Variants in COPS7B observed in about 807,000 individuals in gnomAD.
COPS7B encodes the protein COP9 signalosome complex subunit 7b.
COPS7B carries 9 observed loss-of-function variants against 33.4 expected under a neutral mutation model. The ratio of observed to expected loss-of-function variants is 0.27; its 90% CI spans 0.16 to 0.47. The LOEUF (loss-of-function observed/expected upper bound fraction) is 0.47, where lower values mean the gene tolerates loss of function less well. Among genes scored for constraint, COPS7B ranks in the 20% least tolerant of loss-of-function variants. COPS7B has a pLI of 0.99. For synonymous variants in COPS7B, 119 were observed against 126.3 expected, an observed-to-expected ratio of 0.94 and a Z score of 0.39; for missense variants, 242 against 318.2, an observed-to-expected ratio of 0.76 and a Z score of 1.82.
intron 1 of COPS7B, among the ~76,000 whole-genome samples, chr2:231,787,784 T>G (rs187882102): frequency 6.6e-6 from 1 of 152,352 alleles, no homozygotes; most frequent in African/African-American, 2.4e-5. Context: ...TTTTTTGTTT[T>G]CCTTATCTGT....
At chr2:231,785,510 A>G (rs905501108), upstream of COPS7B, among the ~76,000 whole-genome samples, 10 of 151,922 alleles carry the variant, frequency 6.6e-5, no homozygotes, top group Non-Finnish European at 1.2e-4. Flanking sequence ...TATCTTCCCC[A>G]TAGCATTTAA....
chr2:231,802,888 T>C (rs1040491213), intron 6 of COPS7B, among the ~76,000 whole-genome samples: 1 of 152,242 alleles, frequency 6.6e-6, no homozygotes, highest in Non-Finnish European at 1.5e-5. Flanking sequence ...TTGAGCAAAG[T>C]GTCTCTGTAA....
intron 6 of COPS7B, among the ~76,000 whole-genome samples, chr2:231,806,570 A>G (rs75557634): frequency 1.3e-5 from 2 of 151,642 alleles, no homozygotes; most frequent in Non-Finnish European, 2.9e-5. Flanking sequence ...AAAAAAAAAA[A>G]AGACTAAAAA....
intron 1 of COPS7B, 44 bp from the exon 2 acceptor site, chr2:231,788,511 C>A: frequency 6.3e-7 from 1 of 1,583,600 alleles, no homozygotes; most frequent in Non-Finnish European, 8.6e-7. Context: ...ACAGACTTTG[C>A]AAAGGAGAAG....
In COPS7B at chr2:231,807,833, CAGTT is replaced by C; in HGVS notation, c.*189_*192del. On this transcript the variant is annotated 3_prime_UTR_variant, in exon 7 of 7. Transcript: ENST00000350033. ...CCCCCTCACCCACTCCCTCCTTCCC[CAGTT>C]GTTCCCTTCAGACTCAGGGGCTCCA... is the stretch of plus-strand genomic sequence containing the variant. 1.8e-6 allele frequency: 1 copy of C among 546,974 alleles called. No individual in the cohort carries two copies. Among genetic ancestry groups the C allele is most frequent in the South Asian group, 2.5e-5 (1 of 40,710 alleles). 33.9% of individuals were successfully genotyped at this position (546,974 alleles called of 1,614,324 possible).
intron 4 of COPS7B, 34 bp from the exon 5 acceptor site, chr2:231,796,072 G>A (rs754289423): frequency 5.7e-6 from 9 of 1,592,144 alleles, no homozygotes; most frequent in East Asian, 2.2e-5. Context: ...CTTGCCAGAT[G>A]GTTTTTATAA....
At chr2:231,806,675 G>A (rs1472867638) in intron 6 of COPS7B, among the ~76,000 whole-genome samples, 1 of 152,154 alleles carries the variant, frequency 6.6e-6, no homozygotes, top group African/African-American at 2.4e-5. Context: ...CAAAGGTTTG[G>A]AATAGTCACT....
intron 6 of COPS7B, among the ~76,000 whole-genome samples, chr2:231,801,975 A>G (rs1294820323): frequency 1.3e-5 from 2 of 151,952 alleles, no homozygotes; most frequent in Non-Finnish European, 2.9e-5. Flanking sequence ...GGGTTTCGCA[A>G]TGTTGGCCAG....
chr2:231,803,879 A>G (rs1246344755), intron 6 of COPS7B, among the ~76,000 whole-genome samples: 2 of 152,196 alleles, frequency 1.3e-5, no homozygotes, highest in East Asian at 3.9e-4. Flanking sequence ...CTTGGGAGTC[A>G]GTTGAACTGG....
Position 231,807,919 on chromosome 2 carries a change from TG to T in COPS7B, c.*275del. The T allele has an allele frequency of 1.2e-5, 4 of 345,750 alleles. No individual in the cohort carries two copies. Among genetic ancestry groups the T allele is most frequent in the Non-Finnish European group, 1.1e-5 (2 of 189,594 alleles). 21.4% of individuals were successfully genotyped at this position (345,750 alleles called of 1,614,324 possible). A position where few individuals can be genotyped will look rare whatever the true frequency, so the allele number is the denominator to read the frequency against. On this transcript the variant is annotated 3_prime_UTR_variant, in exon 7 of 7. Transcript: ENST00000350033. Reference sequence around the variant, plus strand: ...GCCCAGCTTCCCTCCAGGAGGTTCTTGTCTCTGTGTAAGGGCTTGTCTCCCT... The same window carrying T: ...GCCCAGCTTCCCTCCAGGAGGTTCTTTCTCTGTGTAAGGGCTTGTCTCCCT...
At chr2:231,788,775 T>G in intron 2 of COPS7B, 43 bp downstream of exon 2, 1 of 1,575,324 alleles carries the variant, frequency 6.3e-7, no homozygotes, top group South Asian at 1.1e-5. Flanking sequence ...TCTAAGACTC[T>G]GTAATTCTCC....
rs116055922 is a variant in COPS7B, at chr2:231,799,204, A to C, written c.636+240A>C. ...GTGATCAATCAGGCTTGGAGAACAG[A>C]GAATGTTGTAGTTTCAGTACACATG... is the stretch of plus-strand genomic sequence containing the variant. On this transcript the variant is annotated intron_variant, in intron 6 of 6. Coordinates refer to ENST00000350033, the MANE Select transcript of COPS7B (RefSeq NM_022730.4). Among the ~76,000 whole-genome samples the C allele has an allele frequency of 7.8e-3, 1,193 of 152,202 alleles. 17 individuals are homozygous for C. Among genetic ancestry groups the C allele is most frequent in the African/African-American group, 0.027 (1,112 of 41,524 alleles).
intron 6 of COPS7B, among the ~76,000 whole-genome samples, chr2:231,807,247 A>G (rs143727267): frequency 6.6e-6 from 1 of 152,276 alleles, no homozygotes; most frequent in African/African-American, 2.4e-5. Flanking sequence ...CTCTTTGCCA[A>G]ATGTTCCCCT....
intron 3 of COPS7B, chr2:231,793,369 A>G (rs1340915603): frequency 6.6e-6 from 1 of 152,220 alleles, no homozygotes; most frequent in Non-Finnish European, 1.5e-5. Context: ...AGAAAAAATC[A>G]GTTTGGATAT....
Position 231,788,622 on chromosome 2 carries a change from C to G in COPS7B, c.52C>G (p.Leu18Val), listed in dbSNP as rs764704845. The G allele has an allele frequency of 1.2e-6, 2 of 1,614,124 alleles. No individual in the cohort carries two copies. The highest frequency in any genetic ancestry group is 1.7e-6 in the Non-Finnish European group (2 of 1,179,980). The part of the protein sequence containing the change: ...SSNLLEQFIL[L>V]AKGTSGSALT... ...TAATCTCCTGGAGCAGTTTATTTTA[C>G]TAGCCAAAGGTACCAGTGGCTCAGC... Residue 18 changes from leucine (L) to valine (V), a missense_variant, in exon 2 of 7, where the codon CTA (leucine) becomes GTA (valine). By Grantham distance (32) the Leu-to-Val change is conservative. Coordinates refer to ENST00000350033, the MANE Select transcript of COPS7B (RefSeq NM_022730.4).
Position 231,791,462 on chromosome 2 carries a change from A to G in COPS7B, c.163-271A>G, listed in dbSNP as rs2049413512. On this transcript the variant is annotated intron_variant, in intron 2 of 6. Coordinates refer to ENST00000350033, the MANE Select transcript of COPS7B (RefSeq NM_022730.4). ...CTCCTTCCAATGCTTAATGCTTTGT[A>G]TGTGTGTGTGAGAGAAAAGCAGTTC... The G allele has an allele frequency of 6.8e-6, 3 of 444,254 alleles. 1 individual carries two copies. The highest frequency in any genetic ancestry group is 5.0e-5 in the South Asian group (2 of 40,170). 27.5% of individuals were successfully genotyped at this position (444,254 alleles called of 1,614,324 possible).
chr2:231,786,670 C>G lies in COPS7B; in HGVS notation c.-17+132C>G, dbSNP rs572851808. The G allele has an allele frequency of 3.1e-5, 8 of 259,682 alleles. No individual in the cohort carries two copies. The South Asian group carries it at 1.0e-3, about 33-fold the overall frequency. 16.1% of individuals were successfully genotyped at this position (259,682 alleles called of 1,614,324 possible). A position where few individuals can be genotyped will look rare whatever the true frequency, so the allele number is the denominator to read the frequency against. ...CGCCCCCGCCTTGGGGAGCGCGTCC[C>G]GCGGCTCCTCACTCCACGCCTGCGG... On this transcript the variant is annotated intron_variant, in intron 1 of 6. Transcript: ENST00000350033.
At position 231,791,052 on chromosome 2, in the gene COPS7B, A is replaced by AAAC. The variant is rs752595695; in HGVS notation, c.163-659_163-657dup. On this transcript the variant is annotated intron_variant, in intron 2 of 6. Coordinates refer to ENST00000350033, the MANE Select transcript of COPS7B (RefSeq NM_022730.4). ...CGCGCCCGGCCCACGTTTGTGATTT[A>AAAC]AACAACAACAACAACAACAACAACC... The AAAC allele has an allele frequency of 8.4e-4, 130 of 154,676 alleles. 1 individual carries two copies. Among genetic ancestry groups the AAAC allele is most frequent in the South Asian group, 4.9e-3 (24 of 4,932 alleles). The allele number at this position is 154,676 out of a possible 1,614,324, so 9.6% of individuals were successfully genotyped here.
At chr2:231,787,775 T>G (rs1384081079) in intron 1 of COPS7B, among the ~76,000 whole-genome samples, 2 of 151,864 alleles carry the variant, frequency 1.3e-5, no homozygotes, top group African/African-American at 2.4e-5. Context: ...CTTGTCTGGT[T>G]TTTTGTTTTC....
Sources: allele counts gnomAD v4.1 joint callset (sites outside exome capture counted in the v4.1 genomes callset), GRCh38; gene constraint gnomAD v4.1.1; transcripts MANE v1.5; gene names NCBI Gene and HGNC (gene_info 2026-07-23, HGNC 2026-07-21).